Variants in SP110 observed in about 807,000 individuals in gnomAD.
SP110 encodes interferon-induced protein 41, 30kD.
A neutral mutation model predicts 92.7 loss-of-function variants in SP110; 62 were observed. The observed-to-expected ratio is 0.67, with a 90% confidence interval of 0.55 to 0.83. SP110 has a LOEUF of 0.83. Ranked by LOEUF, SP110 falls within the 40% of genes least tolerant of loss-of-function variation. The probability of loss-of-function intolerance (pLI) is 0.00; values close to 1 mark genes in which losing one functional copy is unlikely to be tolerated. For missense variants in SP110, 793 were observed against 863.9 expected (o/e 0.92, Z 1.03); for synonymous variants, 273 against 305.3 (o/e 0.89, Z 1.10).
chr2:230,179,678 GCTCTGGGGACCTTC>G (rs2042038937), intron 12 of SP110, among the ~76,000 whole-genome samples: 1 of 152,024 alleles, frequency 6.6e-6, no homozygotes, highest in African/African-American at 2.4e-5. Context: ...GATTAGCACA[GCTCTGGGGACCTTC>G]CCTTCTACAG....
intron 7 of SP110, among the ~76,000 whole-genome samples, chr2:230,208,574 T>C (rs2044130888): frequency 6.6e-6 from 1 of 152,158 alleles, no homozygotes; most frequent in African/African-American, 2.4e-5. Context: ...TGATATCTCC[T>C]TATGGTGCAG....
intron 18 of SP110, 110 bp downstream of exon 18, chr2:230,170,511 T>C: frequency 4.5e-6 from 6 of 1,321,616 alleles, no homozygotes; most frequent in South Asian, 2.4e-5. Flanking sequence ...CTTGTCTTGT[T>C]TGAGCTCTCC....
chr2:230,220,148 G>C, upstream of SP110: 2 of 905,208 alleles, frequency 2.2e-6, no homozygotes, highest in Non-Finnish European at 2.6e-6. Flanking sequence ...GTTGGGGTTT[G>C]GGGGAGGGCG....
At chr2:230,215,914 AG>A (rs1229611484) in intron 2 of SP110, among the ~76,000 whole-genome samples, 1 of 152,166 alleles carries the variant, frequency 6.6e-6, no homozygotes, top group Non-Finnish European at 1.5e-5. Context: ...TTGGCCAAGG[AG>A]ATGTCTCTGA....
At position 230,171,711 on chromosome 2, in the gene SP110, C is replaced by T. The variant is rs539657692; in HGVS notation, c.1872G>A (p.Thr624=). 22 of 1,612,934 alleles carry T rather than the reference C, an allele frequency of 1.4e-5. No homozygotes were observed. The highest frequency in any genetic ancestry group is 2.2e-5 in the East Asian group (1 of 44,872). Residue 624 remains threonine (T), a synonymous_variant, in exon 17 of 19, where the codon ACG becomes ACA. Transcript: ENST00000258381. ...TGTGACTTACATTAAATGGGATGCC[C>T]GTAAAAAAGGAGCTTTGTGGATGAC... The part of the protein sequence containing the change: ...AYCHPQSSFF[T]GIPFNIRDYG...
chr2:230,178,986 G>C (rs913186490), intron 12 of SP110, among the ~76,000 whole-genome samples: 1 of 152,144 alleles, frequency 6.6e-6, no homozygotes, highest in Non-Finnish European at 1.5e-5. Context: ...TTTCTCTGGG[G>C]AGAAATGAAG....
rs1308398202 is a variant in SP110, at chr2:230,167,571, T to C, written c.*1553A>G. ...CAGAGGGTGAACTATGGTAGATTGC[T>C]TCTAAAGATGGGAGCAGCAATGTTT... is the stretch of plus-strand genomic sequence containing the variant. On this transcript the variant is annotated 3_prime_UTR_variant, in exon 19 of 19. Coordinates refer to ENST00000258381, the MANE Select transcript of SP110 (RefSeq NM_080424.4). 1.3e-5 allele frequency: 2 copies of C among 152,172 alleles called. No homozygotes were observed. The highest frequency in any genetic ancestry group is 1.3e-4 in the Admixed American group (2 of 15,278). 9.4% of individuals were successfully genotyped at this position (152,172 alleles called of 1,614,324 possible).
intron 11 of SP110, 116 bp downstream of exon 11, chr2:230,185,878 T>G (rs531164016): frequency 1.1e-6 from 1 of 917,112 alleles, no homozygotes; most frequent in Admixed American, 1.7e-5. Context: ...GTCCCTCTTT[T>G]CTGTACGTCT....
chr2:230,198,935 C>A (rs545224972), intron 10 of SP110, among the ~76,000 whole-genome samples: 3 of 152,048 alleles, frequency 2.0e-5, no homozygotes, highest in African/African-American at 7.2e-5. Context: ...GGAGGTGTGC[C>A]CTTCTTTGAC....
At position 230,212,830 on chromosome 2, in the gene SP110, C is replaced by T; in HGVS notation, c.514G>A (p.Glu172Lys). 6.2e-7 allele frequency: 1 copy of T among 1,614,096 alleles called. No individual in the cohort carries two copies. Among genetic ancestry groups the T allele is most frequent in the Non-Finnish European group, 8.5e-7 (1 of 1,180,014 alleles). The change falls in exon 4 of 19, where the codon GAG (glutamate) becomes AAG (lysine). Residue 172 changes from glutamate to lysine, a missense_variant. Coordinates refer to ENST00000258381, the MANE Select transcript of SP110 (RefSeq NM_080424.4). ...ACAGGGTCAGATGGGCTGGGCGACT[C>T]ACTCAGGATCTCATCGCTTTGCTGG... The part of the protein sequence containing the change: ...SSQQSDEILS[E>K]SPSPSDPVLP...
intron 14 of SP110, 78 bp from the exon 15 acceptor site, chr2:230,173,037 A>G (rs1413407462): frequency 1.0e-6 from 1 of 981,758 alleles, no homozygotes; most frequent in Non-Finnish European, 1.6e-6. Context: ...TCTAGAACAC[A>G]TCATTTTTGT....
rs756115340 is a variant in SP110, at chr2:230,177,715, A to T, written c.1448-35T>A. ...AAAGCCCATTCTTGGATCTACCCCC[A>T]TCCTCTGTGAATTCACCCTGAACCT... is the stretch of plus-strand genomic sequence containing the variant. On this transcript the variant is annotated intron_variant, in intron 13 of 18. Transcript: ENST00000258381. 5 of 1,611,110 alleles carry T rather than the reference A, an allele frequency of 3.1e-6. No individual in the cohort carries two copies. The African/African-American group carries it at 6.7e-5, about 22-fold the overall frequency.
intron 11 of SP110, among the ~76,000 whole-genome samples, chr2:230,184,644 A>AACCAAATCAGAAAAACTAATAATTAT (rs1222408045): frequency 1.3e-5 from 2 of 152,226 alleles, no homozygotes; most frequent in African/African-American, 4.8e-5. Flanking sequence ...CAAAGACAGA[A>AACCAAATCAGAAAAACTAATAATTAT]ACCAAATCAG....
chr2:230,215,498 G>A (rs912015308), intron 2 of SP110, among the ~76,000 whole-genome samples: 1 of 152,166 alleles, frequency 6.6e-6, no homozygotes, highest in African/African-American at 2.4e-5. Context: ...TTCTAGTGAT[G>A]GTCACAGAGG....
intron 10 of SP110, among the ~76,000 whole-genome samples, chr2:230,187,055 T>C (rs2042393974): frequency 6.6e-6 from 1 of 152,162 alleles, no homozygotes; most frequent in South Asian, 2.1e-4. Flanking sequence ...AGATCTACTT[T>C]TAGTTATTTA....
chr2:230,215,541 A>T (rs963723254), intron 2 of SP110, among the ~76,000 whole-genome samples: 1 of 152,244 alleles, frequency 6.6e-6, no homozygotes, highest in African/African-American at 2.4e-5. Context: ...GCCTCTGCTC[A>T]GTCTCTCTCT....
chr2:230,194,689 A>C (rs919409884), intron 10 of SP110, among the ~76,000 whole-genome samples: 1 of 152,196 alleles, frequency 6.6e-6, no homozygotes, highest in African/African-American at 2.4e-5. Context: ...AATCTAATCC[A>C]GTTTGGAACT....
upstream of SP110, among the ~76,000 whole-genome samples, chr2:230,220,451 T>C (rs936210136): frequency 1.3e-5 from 2 of 152,084 alleles, no homozygotes; most frequent in Non-Finnish European, 2.9e-5. Context: ...TGCCTAGAAC[T>C]TGTCAGGATA....
rs558672282 is a variant in SP110, at chr2:230,181,491, C to T, written c.1348+2081G>A. On this transcript the variant is annotated intron_variant, in intron 12 of 18. Coordinates refer to ENST00000258381, the MANE Select transcript of SP110 (RefSeq NM_080424.4). ...TCCACAAGGGCATGTCAGGGAGACC[C>T]ACCCCTACCTGCTGGGAGAGAGAAT... Among the ~76,000 whole-genome samples, 6 of 152,318 alleles carry T rather than the reference C, an allele frequency of 3.9e-5. No homozygotes were observed. The South Asian group carries it at 1.2e-3, about 32-fold the overall frequency.
Sources: gnomAD v4.1 joint callset for allele counts (sites outside exome capture counted in the v4.1 genomes callset) on GRCh38, gnomAD v4.1.1 for gene constraint, MANE v1.5 for transcripts, NCBI Gene and HGNC (gene_info 2026-07-23, HGNC 2026-07-21) for gene names.